Variants in NOPCHAP1 observed in about 807,000 individuals in gnomAD.
The protein encoded by NOPCHAP1 is DNA damage-sensitive RNA 1.
In NOPCHAP1, 13 loss-of-function variants were observed where a neutral mutation model predicts 14.0. The ratio of observed to expected loss-of-function variants is 0.93; its 90% CI spans 0.60 to 1.47. The LOEUF (loss-of-function observed/expected upper bound fraction) is 1.47, where lower values mean the gene tolerates loss of function less well. NOPCHAP1 is among the 40% of genes most tolerant of loss of function. The pLI is 0.00. For synonymous variants in NOPCHAP1, 78 were observed against 78.4 expected, an observed-to-expected ratio of 1.00 and a Z score of 0.03; for missense variants, 230 against 226.9, an observed-to-expected ratio of 1.01 and a Z score of -0.09.
At position 105,000,177 on chromosome 12, in the gene NOPCHAP1, C is replaced by A. The variant is rs1462267783; in HGVS notation, c.*5481C>A. 6.6e-6 allele frequency: 1 copy of A among 152,172 alleles called. No individual in the cohort carries two copies. The allele number at this position is 152,172 out of a possible 1,614,324, so 9.4% of individuals were successfully genotyped here. ...ATGTGATACCTGGAAGCATAATATA[C>A]CTTTTGTAGGCATCACTTGGTTTGA... On this transcript the variant is annotated 3_prime_UTR_variant, in exon 4 of 4. Coordinates refer to ENST00000552951, the MANE Select transcript of NOPCHAP1 (RefSeq NM_152318.3).
rs1191240919 is a variant in NOPCHAP1, at chr12:104,999,402, A to C, written c.*4706A>C. 6.6e-6 allele frequency: 1 copy of C among 152,412 alleles called. No homozygotes were observed. Among genetic ancestry groups the C allele is most frequent in the Non-Finnish European group, 1.5e-5 (1 of 68,254 alleles). 9.4% of individuals were successfully genotyped at this position (152,412 alleles called of 1,614,324 possible). On this transcript the variant is annotated 3_prime_UTR_variant, in exon 4 of 4. Coordinates refer to ENST00000552951, the MANE Select transcript of NOPCHAP1 (RefSeq NM_152318.3). ...CTCAGGTGCTATAGCGTAGGCCCCCAGGACGCACCCCACCTGGGCATCTAA... is the reference window on the plus strand; with the variant it reads ...CTCAGGTGCTATAGCGTAGGCCCCCCGGACGCACCCCACCTGGGCATCTAA...
In NOPCHAP1 at chr12:105,006,297, T is replaced by C. The variant is rs981029703; in HGVS notation, c.*11601T>C. 6.6e-6 allele frequency: 1 copy of C among 152,206 alleles called. No individual in the cohort carries two copies. The highest frequency in any genetic ancestry group is 2.4e-5 in the African/African-American group (1 of 41,434). 9.4% of individuals were successfully genotyped at this position (152,206 alleles called of 1,614,324 possible). A position where few individuals can be genotyped will look rare whatever the true frequency, so the allele number is the denominator to read the frequency against. Reference sequence around the variant, plus strand: ...TTCATGATGTTCTATCAGTGTTCTCTTGCATAGCTTTGAAAATTTTTTCCA... The same window carrying C: ...TTCATGATGTTCTATCAGTGTTCTCCTGCATAGCTTTGAAAATTTTTTCCA... On this transcript the variant is annotated 3_prime_UTR_variant, in exon 4 of 4. Coordinates refer to ENST00000552951, the MANE Select transcript of NOPCHAP1 (RefSeq NM_152318.3).
Position 105,005,069 on chromosome 12 carries a change from G to A in NOPCHAP1, c.*10373G>A, listed in dbSNP as rs1050489048. Reference sequence around the variant, plus strand: ...AGGTTGAGGAGGAGGAAGCAGAGGGGTTGGCACAGGTGGAAGAGGTATAGA... The same window carrying A: ...AGGTTGAGGAGGAGGAAGCAGAGGGATTGGCACAGGTGGAAGAGGTATAGA... On this transcript the variant is annotated 3_prime_UTR_variant, in exon 4 of 4. Transcript: ENST00000552951. 1 of 152,152 alleles carries A rather than the reference G, an allele frequency of 6.6e-6. No homozygotes were observed. 9.4% of individuals were successfully genotyped at this position (152,152 alleles called of 1,614,324 possible). A position where few individuals can be genotyped will look rare whatever the true frequency, so the allele number is the denominator to read the frequency against.
intron 3 of NOPCHAP1, among the ~76,000 whole-genome samples, chr12:104,993,345 AG>A (rs1220149935): frequency 1.3e-5 from 2 of 152,174 alleles, no homozygotes; most frequent in Non-Finnish European, 2.9e-5. Flanking sequence ...TGAATAAGCA[AG>A]GGGAAAACAT....
At position 104,991,801 on chromosome 12, in the gene NOPCHAP1, T is replaced by C; in HGVS notation, c.292T>C (p.Phe98Leu). The C allele has an allele frequency of 9.4e-6, 15 of 1,594,236 alleles. No individual in the cohort carries two copies. Among genetic ancestry groups the C allele is most frequent in the Non-Finnish European group, 1.2e-5 (14 of 1,167,184 alleles). ...KEMAAAPPGR[F>L]NIENIDGPHS... ...AATGGCAGCTGCACCACCTGGTCGT[T>C]TCAATATTGAAAACATTGATGGGCC... The change falls in exon 3 of 4, where the codon TTC (phenylalanine) becomes CTC (leucine). Residue 98 changes from phenylalanine (F) to leucine (L), a missense_variant. Physicochemically the swap from Phe to Leu is conservative, Grantham distance 22 (BLOSUM62 0). Transcript: ENST00000552951.
Position 105,001,047 on chromosome 12 carries a change from T to G in NOPCHAP1, c.*6351T>G, listed in dbSNP as rs903967796. The G allele has an allele frequency of 2.0e-5, 3 of 151,888 alleles. No individual in the cohort carries two copies. Among genetic ancestry groups the G allele is most frequent in the African/African-American group, 7.3e-5 (3 of 41,354 alleles). 9.4% of individuals were successfully genotyped at this position (151,888 alleles called of 1,614,324 possible). ...TCAGTTAACTTTACCAATTTCAGTT[T>G]AAAGTTTCATTTGTTCTTTTGAGCT... On this transcript the variant is annotated 3_prime_UTR_variant, in exon 4 of 4. Coordinates refer to ENST00000552951, the MANE Select transcript of NOPCHAP1 (RefSeq NM_152318.3).
At position 104,994,694 on chromosome 12, in the gene NOPCHAP1, TAGTC is replaced by T; in HGVS notation, c.558_*3del. On this transcript the variant is annotated stop_retained_variant and 3_prime_UTR_variant, in exon 4 of 4. Coordinates refer to ENST00000552951, the MANE Select transcript of NOPCHAP1 (RefSeq NM_152318.3). ...CAGTCCAGCAAGTAAAAAAAAGAAA[TAGTC>T]AAATAAATTATCTGAAAAGAAACAG... 6.3e-7 allele frequency: 1 copy of T among 1,598,990 alleles called. No homozygotes were observed. The highest frequency in any genetic ancestry group is 8.5e-7 in the Non-Finnish European group (1 of 1,171,290).
In NOPCHAP1 at chr12:105,007,139, A is replaced by G. The variant is rs1873724670; in HGVS notation, c.*12443A>G. ...TCCCTTTGCTCTATGTTGTCATTTA[A>G]TAACTTCCCTGTTTTTCAAATCATA... On this transcript the variant is annotated 3_prime_UTR_variant, in exon 4 of 4. Transcript: ENST00000552951. The G allele has an allele frequency of 6.6e-6, 1 of 151,952 alleles. No homozygotes were observed. Among genetic ancestry groups the G allele is most frequent in the African/African-American group, 2.4e-5 (1 of 41,366 alleles). 9.4% of individuals were successfully genotyped at this position (151,952 alleles called of 1,614,324 possible).
Position 105,002,006 on chromosome 12 carries a change from A to G in NOPCHAP1, c.*7310A>G, listed in dbSNP as rs1034501912. On this transcript the variant is annotated 3_prime_UTR_variant, in exon 4 of 4. Transcript: ENST00000552951. ...CTCATCAATGTTGATTATTATCTCT[A>G]GAGTTAAGACCTTGTGGACTCATTC... 2 of 152,084 alleles carry G rather than the reference A, an allele frequency of 1.3e-5. No individual in the cohort carries two copies. The highest frequency in any genetic ancestry group is 1.9e-4 in the East Asian group (1 of 5,192). 9.4% of individuals were successfully genotyped at this position (152,084 alleles called of 1,614,324 possible). A position where few individuals can be genotyped will look rare whatever the true frequency, so the allele number is the denominator to read the frequency against.
intron 2 of NOPCHAP1, among the ~76,000 whole-genome samples, chr12:104,989,176 A>G (rs561319711): frequency 2.0e-5 from 3 of 152,200 alleles, no homozygotes; most frequent in South Asian, 2.1e-4. Context: ...ATTTGTTTCT[A>G]ATGGCTAATA....
In NOPCHAP1 at chr12:104,994,861, T is replaced by C. The variant is rs1249781905; in HGVS notation, c.*165T>C. Reference sequence around the variant, plus strand: ...CAGAGTTTCTTTGGGCAAAGAATGATTAATGAGTTAGGTAGCATTGTAAAC... The same window carrying C: ...CAGAGTTTCTTTGGGCAAAGAATGACTAATGAGTTAGGTAGCATTGTAAAC... On this transcript the variant is annotated 3_prime_UTR_variant, in exon 4 of 4. Transcript: ENST00000552951. 4.7e-6 allele frequency: 3 copies of C among 641,614 alleles called. No individual in the cohort carries two copies. The highest frequency in any genetic ancestry group is 8.1e-6 in the Non-Finnish European group (3 of 372,240). The allele number at this position is 641,614 out of a possible 1,614,324, so 39.7% of individuals were successfully genotyped here. A position where few individuals can be genotyped will look rare whatever the true frequency, so the allele number is the denominator to read the frequency against.
At position 105,011,218 on chromosome 12, in the gene NOPCHAP1, T is replaced by C. The variant is rs990614109; in HGVS notation, c.*16522T>C. 2 of 152,254 alleles carry C rather than the reference T, an allele frequency of 1.3e-5. No homozygotes were observed. Among genetic ancestry groups the C allele is most frequent in the African/African-American group, 4.8e-5 (2 of 41,468 alleles). The allele number at this position is 152,254 out of a possible 1,614,324, so 9.4% of individuals were successfully genotyped here. A position where few individuals can be genotyped will look rare whatever the true frequency, so the allele number is the denominator to read the frequency against. On this transcript the variant is annotated 3_prime_UTR_variant, in exon 4 of 4. Coordinates refer to ENST00000552951, the MANE Select transcript of NOPCHAP1 (RefSeq NM_152318.3). ...GCTCTTCTTGTTGGGTTGATCCCTT[T>C]ACCATTATGTAATGCCCTTCTTTGT...
Position 104,994,595 on chromosome 12 carries a change from C to G in NOPCHAP1, c.457C>G (p.Pro153Ala). 6.2e-7 allele frequency: 1 copy of G among 1,613,288 alleles called. No individual in the cohort carries two copies. Among genetic ancestry groups the G allele is most frequent in the Non-Finnish European group, 8.5e-7 (1 of 1,179,546 alleles). The change falls in exon 4 of 4, where the codon CCA becomes GCA. Residue 153 changes from proline (P) to alanine (A), a missense_variant. By Grantham distance (27) the Pro-to-Ala change is conservative. Transcript: ENST00000552951. ...ATCAGAAGACGAAGATGACAGCATC[C>G]CATCTGAAGTCACCATAGATAACAT... ...SESEDEDDSI[P>A]SEVTIDNIKL...
rs1352769884 is a variant in NOPCHAP1, at chr12:105,016,613, G to C, written c.*21917G>C. 4 of 152,260 alleles carry C rather than the reference G, an allele frequency of 2.6e-5. No individual in the cohort carries two copies. The highest frequency in any genetic ancestry group is 4.4e-5 in the Non-Finnish European group (3 of 68,100). The allele number at this position is 152,260 out of a possible 1,614,324, so 9.4% of individuals were successfully genotyped here. A position where few individuals can be genotyped will look rare whatever the true frequency, so the allele number is the denominator to read the frequency against. On this transcript the variant is annotated 3_prime_UTR_variant, in exon 4 of 4. Coordinates refer to ENST00000552951, the MANE Select transcript of NOPCHAP1 (RefSeq NM_152318.3). ...ATGTCTTACATGGCAGCAGGCAAGA[G>C]AGCTTGTGTAGGGGAGCTCCCCTTT...
In NOPCHAP1 at chr12:104,996,455, A is replaced by T. The variant is rs1231895392; in HGVS notation, c.*1759A>T. 6.6e-6 allele frequency: 1 copy of T among 151,040 alleles called. No homozygotes were observed. The highest frequency in any genetic ancestry group is 2.4e-5 in the African/African-American group (1 of 40,954). 9.4% of individuals were successfully genotyped at this position (151,040 alleles called of 1,614,324 possible). A position where few individuals can be genotyped will look rare whatever the true frequency, so the allele number is the denominator to read the frequency against. On this transcript the variant is annotated 3_prime_UTR_variant, in exon 4 of 4. Coordinates refer to ENST00000552951, the MANE Select transcript of NOPCHAP1 (RefSeq NM_152318.3). The stretch of plus-strand genomic sequence containing the variant: ...GGTATTGTGGGGGTTTGGTGTACAG[A>T]TTATTTCATCACCTGGTGATAAGCA...
chr12:105,001,448 CATTTTAGCA>C lies in NOPCHAP1; in HGVS notation c.*6760_*6768del, dbSNP rs889869967. On this transcript the variant is annotated 3_prime_UTR_variant, in exon 4 of 4. Coordinates refer to ENST00000552951, the MANE Select transcript of NOPCHAP1 (RefSeq NM_152318.3). ...GATAAACCAAACATTAGTTATAAGCCATTTTAGCAATTTTAGAATAGTCATCCCACCAAT... is the reference window on the plus strand; with the variant it reads ...GATAAACCAAACATTAGTTATAAGCCATTTTAGAATAGTCATCCCACCAAT... 2.0e-5 allele frequency: 3 copies of C among 152,100 alleles called. No homozygotes were observed. The highest frequency in any genetic ancestry group is 7.2e-5 in the African/African-American group (3 of 41,422). The allele number at this position is 152,100 out of a possible 1,614,324, so 9.4% of individuals were successfully genotyped here. A position where few individuals can be genotyped will look rare whatever the true frequency, so the allele number is the denominator to read the frequency against.
rs1213679574 is a variant in NOPCHAP1 at position 105,012,159 on chromosome 12, T to G, written c.*17463T>G. On this transcript the variant is annotated 3_prime_UTR_variant, in exon 4 of 4. Coordinates refer to ENST00000552951, the MANE Select transcript of NOPCHAP1 (RefSeq NM_152318.3). ...ACGTAGGCTAGGTCTTTTCACATAG[T>G]CTCATATTTCTTGGACGCTTTGTTC... 1 of 152,128 alleles carries G rather than the reference T, an allele frequency of 6.6e-6. No individual in the cohort carries two copies. Among genetic ancestry groups the G allele is most frequent in the Non-Finnish European group, 1.5e-5 (1 of 68,018 alleles). The allele number at this position is 152,128 out of a possible 1,614,324, so 9.4% of individuals were successfully genotyped here. A position where few individuals can be genotyped will look rare whatever the true frequency, so the allele number is the denominator to read the frequency against.
rs190854770 is a variant in NOPCHAP1, at chr12:104,988,060, G to C, written c.116-107G>C. 9.8e-5 allele frequency: 77 copies of C among 782,342 alleles called. No homozygotes were observed. In the African/African-American group the frequency reaches 1.1e-3, roughly 12 times the overall value. The allele number at this position is 782,342 out of a possible 1,614,324, so 48.5% of individuals were successfully genotyped here. On this transcript the variant is annotated intron_variant, in intron 1 of 3. Transcript: ENST00000552951. ...CCTTTAAAAAAAAAATTTTGGGGGA[G>C]TGTGGACAGTCAAGTCTTAAGACTG...
At chr12:104,987,790 G>A (rs1396395450) in intron 1 of NOPCHAP1, among the ~76,000 whole-genome samples, 1 of 152,212 alleles carries the variant, frequency 6.6e-6, no homozygotes, top group East Asian at 1.9e-4. Flanking sequence ...AAGTTGCCCA[G>A]TGTTACACAA....
Sources: allele counts gnomAD v4.1 joint callset (sites outside exome capture counted in the v4.1 genomes callset), GRCh38; gene constraint gnomAD v4.1.1; transcripts MANE v1.5; gene names NCBI Gene and HGNC (gene_info 2026-07-23, HGNC 2026-07-21).